Variants in SORBS2 observed in about 807,000 individuals in gnomAD.
SORBS2 encodes the protein sorbin and SH3 domain-containing protein 2.
Under a neutral mutation model 97.7 loss-of-function variants are expected in SORBS2, and 46 were observed. That is an observed-to-expected ratio of 0.47 (90% CI 0.37 to 0.60). The LOEUF (loss-of-function observed/expected upper bound fraction) is 0.60. Ranked by LOEUF, SORBS2 falls within the 20% of genes least tolerant of loss-of-function variation. SORBS2 has a pLI of 0.00. For missense variants in SORBS2, 1,316 were observed against 1,282.3 expected (o/e 1.03, Z -0.40); for synonymous variants, 476 against 473.4 (o/e 1.01, Z -0.07).
intron 1 of SORBS2, among the ~76,000 whole-genome samples, chr4:185,942,178 T>G (rs28616573): frequency 0.12 from 19,001 of 152,070 alleles, 1,439 homozygotes; most frequent in Middle Eastern, 0.25. Context: ...AAATTCCAGT[T>G]TTTCTTCCTT....
At chr4:185,661,736 C>A (rs561999565), upstream of SORBS2, among the ~76,000 whole-genome samples, 26 of 152,236 alleles carry the variant, frequency 1.7e-4, no homozygotes, top group Non-Finnish European at 2.2e-4. Context: ...TTATATAGAC[C>A]CCAGGAAATA....
intron 1 of SORBS2, among the ~76,000 whole-genome samples, chr4:185,949,306 G>A (rs1391564095): frequency 6.6e-6 from 1 of 152,210 alleles, no homozygotes; most frequent in Non-Finnish European, 1.5e-5. Context: ...ACCCAGTATT[G>A]AATCTGGACT....
intron 1 of SORBS2, among the ~76,000 whole-genome samples, chr4:185,859,170 C>A (rs1459553406): frequency 6.6e-6 from 1 of 152,168 alleles, no homozygotes; most frequent in African/African-American, 2.4e-5. Flanking sequence ...TCTTTAAAAA[C>A]ATATACTAAT....
chr4:185,810,999 C>T (rs996637996), intron 1 of SORBS2: 16 of 152,070 alleles, frequency 1.1e-4, no homozygotes, highest in African/African-American at 3.9e-4. Context: ...GATTCTGAGC[C>T]GGGGGAGCAC....
At chr4:185,651,085 GT>G in intron 2 of SORBS2, among the ~76,000 whole-genome samples, 1 of 152,320 alleles carries the variant, frequency 6.6e-6, no homozygotes, top group South Asian at 2.1e-4. Flanking sequence ...AAAAAAAATA[GT>G]TGTGCACCTG....
At chr4:185,832,851 T>C (rs564192545) in intron 1 of SORBS2, among the ~76,000 whole-genome samples, 1 of 152,354 alleles carries the variant, frequency 6.6e-6, no homozygotes, top group South Asian at 2.1e-4. Context: ...CAGCATAGGT[T>C]GGAGACCGTT....
intron 1 of SORBS2, among the ~76,000 whole-genome samples, chr4:185,861,910 T>C (rs906018415): frequency 5.3e-5 from 8 of 152,158 alleles, no homozygotes; most frequent in Non-Finnish European, 1.2e-4. Flanking sequence ...ACTTCTATTT[T>C]ATAGACAACA....
intron 2 of SORBS2, among the ~76,000 whole-genome samples, chr4:185,702,542 T>C (rs968757849): frequency 4.6e-5 from 7 of 152,210 alleles, no homozygotes; most frequent in Non-Finnish European, 7.3e-5. Context: ...ACATGAGATT[T>C]GGAGGAATCA....
chr4:185,683,700 GGCA>G (rs5864950), intron 2 of SORBS2, among the ~76,000 whole-genome samples: 9,015 of 151,996 alleles, frequency 0.059, 507 homozygotes, highest in East Asian at 0.23. Flanking sequence ...TCACTAGCCT[GGCA>G]TTTAAACTTG....
chr4:185,748,279 T>C (rs547394525), intron 2 of SORBS2, among the ~76,000 whole-genome samples: 1 of 152,194 alleles, frequency 6.6e-6, no homozygotes, highest in East Asian at 1.9e-4. Flanking sequence ...GTGCGAGGAG[T>C]GCAGTTGCTG....
chr4:185,866,300 C>A (rs1442034478), intron 1 of SORBS2, among the ~76,000 whole-genome samples: 1 of 152,198 alleles, frequency 6.6e-6, no homozygotes, highest in East Asian at 1.9e-4. Flanking sequence ...AAATGGAGAA[C>A]CTGTCCCAAA....
intron 1 of SORBS2, among the ~76,000 whole-genome samples, chr4:185,949,021 G>A (rs1377602163): frequency 3.3e-5 from 5 of 151,816 alleles, no homozygotes; most frequent in South Asian, 4.2e-4. Flanking sequence ...AATTATCACC[G>A]AGAAGAAACA....
rs1453290921 is a variant in SORBS2, at chr4:185,684,035, C to T, written c.-197-5213G>A. 6.6e-6 allele frequency among the ~76,000 whole-genome samples: 1 copy of T among 152,084 alleles called. No individual in the cohort carries two copies. Among genetic ancestry groups the T allele is most frequent in the African/African-American group, 2.4e-5 (1 of 41,410 alleles). On this transcript the variant is annotated intron_variant, in intron 2 of 20. Transcript: ENST00000284776. This position sits in a 1 kb window ranked among gnomAD's most constrained non-coding sequence, Gnocchi z 4.2. ...CCAACCAACCAACCAACCCACCAAC[C>T]AACCCATCACCAACAGGTGTGGGTC...
exon 7 of SORBS2, chr4:185,624,440 C>T (rs758398802): frequency 6.8e-6 from 11 of 1,613,850 alleles, no homozygotes; most frequent in Non-Finnish European, 9.3e-6. Context: ...GGAGGGGTTG[C>T]CGTTGAGCCC....
chr4:185,651,394 T>G (rs2097312063), intron 2 of SORBS2, among the ~76,000 whole-genome samples: 1 of 152,244 alleles, frequency 6.6e-6, no homozygotes, highest in Non-Finnish European at 1.5e-5. Context: ...CACAGAATAC[T>G]TTGTTTGACT....
At chr4:185,694,706 C>CTTTTTTTTTTTTTTTTTTTTTTTT (rs1200094039) in intron 2 of SORBS2, among the ~76,000 whole-genome samples, 8 of 124,238 alleles carry the variant, frequency 6.4e-5, no homozygotes, top group Non-Finnish European at 1.0e-4. Context: ...CCTTTTCTTT[C>CTTTTTTTTTTTTTTTTTTTTTTTT]TTTTCTTTTC....
intron 1 of SORBS2, among the ~76,000 whole-genome samples, chr4:185,911,011 C>A (rs1388070435): frequency 6.6e-6 from 1 of 151,638 alleles, no homozygotes; most frequent in Non-Finnish European, 1.5e-5. Context: ...TGCATTGAGT[C>A]ATTTAATATT....
intron 1 of SORBS2, among the ~76,000 whole-genome samples, chr4:185,860,134 T>G (rs998838795): frequency 6.6e-6 from 1 of 152,128 alleles, no homozygotes; most frequent in African/African-American, 2.4e-5. Flanking sequence ...ACACAAAATA[T>G]AATGAGCAAA....
rs552521374 is a variant in SORBS2, at chr4:185,788,771, G to A, written c.-337-13405C>T. On this transcript the variant is annotated intron_variant, in intron 1 of 20. Coordinates refer to the SORBS2 transcript ENST00000284776. ...AGGAATTGGAAAGCTCTTCACCAAC[G>A]GTGCCCATCACTGTGGCCAAACGTG... Among the ~76,000 whole-genome samples the A allele has an allele frequency of 4.1e-4, 63 of 152,154 alleles. 1 individual carries two copies. The highest frequency in any genetic ancestry group is 7.2e-4 in the Non-Finnish European group (49 of 68,038).
Sources: allele counts gnomAD v4.1 joint callset (sites outside exome capture counted in the v4.1 genomes callset), GRCh38; gene constraint gnomAD v4.1.1; non-coding constraint Gnocchi (gnomAD v3.1); transcripts MANE v1.5; gene names NCBI Gene and HGNC (gene_info 2026-07-23, HGNC 2026-07-21).